The following THADA variants were observed in gnomAD, a reference collection of about 807,000 sequenced individuals.
THADA encodes THADA armadillo repeat containing, also known as tRNA (32-2'-O)-methyltransferase regulator THADA.
Under a neutral mutation model 219.8 loss-of-function variants are expected in THADA, and 213 were observed. The observed-to-expected ratio is 0.97, with a 90% confidence interval of 0.87 to 1.09. THADA has a LOEUF of 1.09. Among genes scored for constraint, THADA ranks in the 50% least tolerant of loss-of-function variants. The pLI, the probability that THADA is intolerant of heterozygous loss-of-function variation, is 0.00. For synonymous variants in THADA, 1,018 were observed against 828.9 expected (o/e 1.23, Z -3.92); for missense variants, 2,956 against 2,311.3 (o/e 1.28, Z -5.72).
At chr2:43,296,221 C>T (rs1427036991) in intron 31 of THADA, among the ~76,000 whole-genome samples, 16 of 151,552 alleles carry the variant, frequency 1.1e-4, no homozygotes, top group Admixed American at 9.9e-4. Context: ...CCGGCCATAC[C>T]GCTACTCTTA....
intron 36 of THADA, among the ~76,000 whole-genome samples, chr2:43,262,539 CCT>C (rs1031884547): frequency 6.6e-6 from 1 of 152,202 alleles, no homozygotes; most frequent in African/African-American, 2.4e-5. Context: ...TGTGTTTAAA[CCT>C]CTGTTTGGCT....
At chr2:43,545,230 G>C (rs577535740) in intron 20 of THADA, among the ~76,000 whole-genome samples, 1 of 151,558 alleles carries the variant, frequency 6.6e-6, no homozygotes, top group East Asian at 1.9e-4. Flanking sequence ...AAGCCCACTT[G>C]ATCATGGTGG....
chr2:43,517,890 A>T (rs1691928922), intron 22 of THADA, among the ~76,000 whole-genome samples: 1 of 152,222 alleles, frequency 6.6e-6, no homozygotes, highest in Admixed American at 6.5e-5. Flanking sequence ...ATTAAACTTT[A>T]TCTTACACCA....
At chr2:43,429,557 A>G (rs945534656) in intron 27 of THADA, among the ~76,000 whole-genome samples, 1 of 152,116 alleles carries the variant, frequency 6.6e-6, no homozygotes, top group African/African-American at 2.4e-5. Flanking sequence ...GCTAATCGCT[A>G]TAGTTTCACA....
At chr2:43,357,355 G>A (rs1408468119) in intron 29 of THADA, among the ~76,000 whole-genome samples, 1 of 152,106 alleles carries the variant, frequency 6.6e-6, no homozygotes, top group Admixed American at 6.5e-5. Context: ...AGTATAAATT[G>A]TCACAACCTT....
intron 31 of THADA, among the ~76,000 whole-genome samples, chr2:43,297,086 G>C (rs1238812883): frequency 1.2e-4 from 12 of 103,662 alleles, no homozygotes; most frequent in Non-Finnish European, 2.3e-4. Context: ...TCCCATCTAG[G>C]AAGTGAGGAG....
chr2:43,530,586 G>T (rs1196055199), intron 21 of THADA, among the ~76,000 whole-genome samples: 3 of 152,146 alleles, frequency 2.0e-5, no homozygotes, highest in Non-Finnish European at 4.4e-5. Context: ...AATGAGATGA[G>T]GTTTCTCTAA....
chr2:43,533,827 C>T (rs11888194), intron 21 of THADA, among the ~76,000 whole-genome samples: 3,225 of 152,236 alleles, frequency 0.021, 41 homozygotes, highest in African/African-American at 0.044. Context: ...TTGATAGGTG[C>T]AGCAAACCAC....
chr2:43,344,061 C>A, intron 30 of THADA, 61 bp downstream of exon 30: 1 of 1,197,876 alleles, frequency 8.3e-7, no homozygotes, highest in Non-Finnish European at 1.2e-6. Context: ...CTAGAAACAG[C>A]AATTCTCAAA....
chr2:43,486,748 T>C (rs998182436), intron 25 of THADA: 1 of 152,158 alleles, frequency 6.6e-6, no homozygotes, highest in Non-Finnish European at 1.5e-5. Flanking sequence ...GAAATATAAG[T>C]CCAGTTTTGC....
At chr2:43,390,944 G>GTA (rs1673300094) in intron 29 of THADA, among the ~76,000 whole-genome samples, 3 of 152,184 alleles carry the variant, frequency 2.0e-5, no homozygotes, top group African/African-American at 7.2e-5. Flanking sequence ...CAGAGAAGCA[G>GTA]TATACTACAG....
intron 29 of THADA, among the ~76,000 whole-genome samples, chr2:43,371,798 C>A (rs1262432613): frequency 6.6e-6 from 1 of 152,146 alleles, no homozygotes; most frequent in African/African-American, 2.4e-5. Flanking sequence ...CGCAATTTGG[C>A]CACTTAATTG....
intron 26 of THADA, chr2:43,430,765 G>A: frequency 2.8e-6 from 1 of 353,540 alleles, no homozygotes; most frequent in South Asian, 2.1e-5. Flanking sequence ...ACACATTGTG[G>A]GATGTTTAGC....
At chr2:43,352,369 C>G (rs1668372958) in intron 29 of THADA, among the ~76,000 whole-genome samples, 1 of 152,012 alleles carries the variant, frequency 6.6e-6, no homozygotes, top group South Asian at 2.1e-4. Flanking sequence ...ACCAGCCTGG[C>G]CAACATGGCG....
chr2:43,455,518 T>TCACACACA (rs35958795), intron 26 of THADA, among the ~76,000 whole-genome samples: 1 of 149,016 alleles, frequency 6.7e-6, no homozygotes, highest in Admixed American at 6.7e-5. Context: ...TCTCTCTCTC[T>TCACACACA]CACACACACA....
chr2:43,589,753 G>C (rs576194792), intron 4 of THADA, among the ~76,000 whole-genome samples: 1 of 152,028 alleles, frequency 6.6e-6, no homozygotes, highest in Non-Finnish European at 1.5e-5. Flanking sequence ...CTCAGGTGAT[G>C]TGTGCACCAA....
At chr2:43,541,053 T>C in intron 21 of THADA, 106 bp downstream of exon 21, 1 of 1,145,138 alleles carries the variant, frequency 8.7e-7, no homozygotes, top group Admixed American at 3.6e-5. Context: ...TGTATGATTT[T>C]ATTCAAGAAA....
chr2:43,562,882 T>C (rs902572470), intron 15 of THADA: 2 of 152,358 alleles, frequency 1.3e-5, no homozygotes, highest in Middle Eastern at 3.4e-3. Context: ...TACTGTCTTA[T>C]AATCATTTTT....
intron 26 of THADA, among the ~76,000 whole-genome samples, chr2:43,446,661 G>C (rs935583679): frequency 2.6e-5 from 4 of 152,194 alleles, no homozygotes; most frequent in Non-Finnish European, 5.9e-5. Context: ...ATGATAAATT[G>C]TTAAGTCATT....
Sources: allele counts gnomAD v4.1 joint callset (sites outside exome capture counted in the v4.1 genomes callset), GRCh38; gene constraint gnomAD v4.1.1; transcripts MANE v1.5; gene names NCBI Gene and HGNC (gene_info 2026-07-23, HGNC 2026-07-21).